The following WDFY4 variants were observed in gnomAD, a reference collection of about 807,000 sequenced individuals.
WDFY4 encodes the protein WD repeat- and FYVE domain-containing protein 4.
A neutral mutation model predicts 351.9 loss-of-function variants in WDFY4; 169 were observed. The ratio of observed to expected loss-of-function variants is 0.48; its 90% confidence interval spans 0.42 to 0.55. The LOEUF is 0.55. Among genes scored for constraint, WDFY4 ranks in the 20% least tolerant of loss-of-function variants. WDFY4 has a pLI of 0.00. For synonymous variants in WDFY4, 1,622 were observed against 1,574.6 expected, an observed-to-expected ratio of 1.03 and a Z score of -0.71; for missense variants, 3,803 against 3,935.6, an observed-to-expected ratio of 0.97 and a Z score of 0.90.
intron 9 of WDFY4, among the ~76,000 whole-genome samples, chr10:48,732,084 G>C (rs1358866210): frequency 3.3e-5 from 5 of 152,142 alleles, no homozygotes; most frequent in Non-Finnish European, 5.9e-5. Context: ...ACATTCCCTT[G>C]CCCCTACTTG....
intron 2 of WDFY4, among the ~76,000 whole-genome samples, chr10:48,713,044 G>T (rs1377721639): frequency 6.6e-6 from 1 of 152,176 alleles, no homozygotes; most frequent in Non-Finnish European, 1.5e-5. Flanking sequence ...AATATTCTTT[G>T]TTCCAAAGCA....
chr10:48,863,985 C>T (rs2069442737), intron 39 of WDFY4, among the ~76,000 whole-genome samples: 3 of 152,222 alleles, frequency 2.0e-5, no homozygotes, highest in East Asian at 1.9e-4. Flanking sequence ...ATGGGGGAAA[C>T]CACACCATGA....
chr10:48,856,652 A>G (rs1240763225), intron 39 of WDFY4, among the ~76,000 whole-genome samples: 1 of 152,198 alleles, frequency 6.6e-6, no homozygotes, highest in Non-Finnish European at 1.5e-5. Flanking sequence ...GAACTCTATC[A>G]GTAACATTTT....
At chr10:48,687,243 T>A (rs1340990726) in intron 1 of WDFY4, among the ~76,000 whole-genome samples, 1 of 152,194 alleles carries the variant, frequency 6.6e-6, no homozygotes, top group African/African-American at 2.4e-5. Flanking sequence ...TCAATACATA[T>A]TCTGGGTACT....
intron 30 of WDFY4, among the ~76,000 whole-genome samples, 164 bp from the exon 31 acceptor site, chr10:48,813,793 T>A (rs547666263): frequency 6.6e-6 from 1 of 152,324 alleles, no homozygotes; most frequent in South Asian, 2.1e-4. Context: ...TTATGCACCA[T>A]CTACTGGGGT....
chr10:48,973,182 C>T (rs914006430), intron 57 of WDFY4, among the ~76,000 whole-genome samples: 4 of 152,178 alleles, frequency 2.6e-5, no homozygotes, highest in African/African-American at 7.2e-5. Flanking sequence ...GAGCCTTACA[C>T]CTGGGTTCCC....
chr10:48,784,599 T>C (rs1043300834), intron 19 of WDFY4, among the ~76,000 whole-genome samples: 95 of 130,918 alleles, frequency 7.3e-4, no homozygotes, highest in African/African-American at 2.6e-3. Context: ...TGGAGTGAAG[T>C]GGTGCAATCT....
At chr10:48,834,187 T>C (rs1038370123) in intron 39 of WDFY4, among the ~76,000 whole-genome samples, 1 of 152,230 alleles carries the variant, frequency 6.6e-6, no homozygotes, top group Non-Finnish European at 1.5e-5. Context: ...AATACGTGAA[T>C]GTGTGAGTAA....
In WDFY4 at chr10:48,725,378, G is replaced by T. The variant is rs1377786393; in HGVS notation, c.592-503G>T. 2.0e-5 allele frequency among the ~76,000 whole-genome samples: 3 copies of T among 152,314 alleles called. No individual in the cohort carries two copies. The East Asian group carries it at 5.8e-4, about 29-fold the overall frequency. On this transcript the variant is annotated intron_variant, in intron 5 of 61. Transcript: ENST00000325239. ...CGGTGGTGGGATTTTATCCCAAGTG[G>T]AGAGGGAGGTTTTGCAAGTCCCTCT...
At chr10:48,832,466 C>T in intron 38 of WDFY4, 107 bp from the exon 39 acceptor site, 1 of 1,325,698 alleles carries the variant, frequency 7.5e-7, no homozygotes, top group Non-Finnish European at 9.9e-7. Flanking sequence ...TTGGAGGCAA[C>T]CACAGGGGGC....
At position 48,781,228 on chromosome 10, in the gene WDFY4, A is replaced by ATG. The variant is rs755015358; in HGVS notation, c.3576+1125_3576+1126dup. On this transcript the variant is annotated intron_variant, in intron 19 of 61. Transcript: ENST00000325239. ...GGCAGTGATGACCAAATATATATATATGTGTGTGTGTGTGTGTATATATAT... is the reference window on the plus strand; with the variant it reads ...GGCAGTGATGACCAAATATATATATATGTGTGTGTGTGTGTGTGTATATATAT... Among the ~76,000 whole-genome samples, 69 of 149,418 alleles carry ATG rather than the reference A, an allele frequency of 4.6e-4. No homozygotes were observed. The South Asian group carries it at 5.7e-3, about 12-fold the overall frequency.
chr10:48,781,276 A>ATG (rs762936272), intron 19 of WDFY4, among the ~76,000 whole-genome samples: 3 of 149,026 alleles, frequency 2.0e-5, no homozygotes, highest in South Asian at 2.1e-4. Flanking sequence ...GTATATATAT[A>ATG]TATGTGTGTG....
At chr10:48,765,806 G>A (rs1218859833) in intron 13 of WDFY4, among the ~76,000 whole-genome samples, 2 of 152,174 alleles carry the variant, frequency 1.3e-5, no homozygotes, top group Non-Finnish European at 2.9e-5. Context: ...TCCTCAGTCT[G>A]CATCTCACGT....
rs938759359 is a variant in WDFY4, at chr10:48,707,932, G to A, written c.-17-1784G>A. On this transcript the variant is annotated intron_variant, in intron 1 of 61. Transcript: ENST00000325239. ...ACACACTGCCTGCCCCTTAGAGTTA[G>A]CCCCCCAAAAGAAACAACTTAATCC... Among the ~76,000 whole-genome samples the A allele has an allele frequency of 1.1e-4, 16 of 151,790 alleles. 1 individual carries two copies. Among genetic ancestry groups the A allele is most frequent in the Non-Finnish European group, 2.1e-4 (14 of 67,962 alleles).
At chr10:48,712,443 C>G (rs935766393) in intron 2 of WDFY4, among the ~76,000 whole-genome samples, 1 of 152,218 alleles carries the variant, frequency 6.6e-6, no homozygotes, top group Non-Finnish European at 1.5e-5. Context: ...TCCCTGGAAC[C>G]CACCTCTGGC....
At position 48,974,502 on chromosome 10, in the gene WDFY4, C is replaced by CAA. The variant is rs553826473; in HGVS notation, c.8929-334_8929-333dup. Reference sequence around the variant, plus strand: ...TAGGCAACAGAGCAAGACTCCGTCTCAAAAAAAAAAAAAAAAAAAAAAAAA... The same window carrying CAA: ...TAGGCAACAGAGCAAGACTCCGTCTCAAAAAAAAAAAAAAAAAAAAAAAAAAA... On this transcript the variant is annotated intron_variant, in intron 57 of 61. Transcript: ENST00000325239. Among the ~76,000 whole-genome samples, 37 of 10,382 alleles carry CAA rather than the reference C, an allele frequency of 3.6e-3. 2 individuals are homozygous for CAA. The highest frequency in any genetic ancestry group is 7.0e-3 in the African/African-American group (22 of 3,148). The allele number at this position is 10,382 out of a possible 152,430, so 6.8% of individuals were successfully genotyped here.
At chr10:48,898,729 C>A (rs1305793382) in intron 45 of WDFY4, among the ~76,000 whole-genome samples, 1 of 152,214 alleles carries the variant, frequency 6.6e-6, no homozygotes, top group African/African-American at 2.4e-5. Context: ...CTTTTGCCTG[C>A]AACACAGTTA....
intron 11 of WDFY4, among the ~76,000 whole-genome samples, chr10:48,737,637 G>A (rs2064715253): frequency 1.3e-5 from 2 of 152,188 alleles, no homozygotes; most frequent in African/African-American, 4.8e-5. Context: ...CAGATGACAA[G>A]AACCCAGCCA....
chr10:48,732,667 T>A (rs978052115), intron 9 of WDFY4, among the ~76,000 whole-genome samples: 78 of 152,306 alleles, frequency 5.1e-4, no homozygotes, highest in African/African-American at 1.8e-3. Context: ...AGGGTAATGA[T>A]GTTGACATCA....
Sources: gnomAD v4.1 joint callset for allele counts (sites outside exome capture counted in the v4.1 genomes callset) on GRCh38, gnomAD v4.1.1 for gene constraint, MANE v1.5 for transcripts, NCBI Gene and HGNC (gene_info 2026-07-23, HGNC 2026-07-21) for gene names.